DRC8: variants seen among roughly 807,000 people sequenced by gnomAD.
DRC8 encodes dynein regulatory complex protein 8.
the DRC8 span, among the ~76,000 whole-genome samples, chr1:245,117,875 A>T: frequency 6.6e-6 from 1 of 151,942 alleles, no homozygotes; most frequent in African/African-American, 2.4e-5. Flanking sequence ...AGGCTGAGGC[A>T]TGAGACTTGC....
At chr1:245,068,146 C>T in the DRC8 span, among the ~76,000 whole-genome samples, 9 of 152,126 alleles carry the variant, frequency 5.9e-5, no homozygotes, top group Non-Finnish European at 5.9e-5. Context: ...TGATCAGCAG[C>T]GGGAAAACGT....
the DRC8 span, chr1:245,121,929 C>T: frequency 3.9e-3 from 1,627 of 416,156 alleles, 25 homozygotes; most frequent in African/African-American, 0.033. Context: ...GATGGAGTTT[C>T]GCTCCGTCGC....
chr1:245,079,901 A>G, the DRC8 span, among the ~76,000 whole-genome samples: 1 of 152,218 alleles, frequency 6.6e-6, no homozygotes. Flanking sequence ...TCAGAGCCAT[A>G]TGAACATTCA....
At chr1:244,978,478 C>T in the DRC8 span, among the ~76,000 whole-genome samples, 7 of 131,452 alleles carry the variant, frequency 5.3e-5, no homozygotes, top group East Asian at 5.1e-4. Flanking sequence ...GCAACAAGAG[C>T]GGAACTCCGT....
the DRC8 span, among the ~76,000 whole-genome samples, chr1:245,064,959 A>AT: frequency 6.9e-6 from 1 of 144,350 alleles, no homozygotes; most frequent in Non-Finnish European, 1.5e-5. Context: ...AGTGACTTGT[A>AT]TTTTTTGGTT....
chr1:245,080,870 C>A, the DRC8 span, among the ~76,000 whole-genome samples: 1 of 152,172 alleles, frequency 6.6e-6, no homozygotes, highest in Non-Finnish European at 1.5e-5. Context: ...TGCCGTCGGG[C>A]CCCTGTCTCT....
At chr1:245,047,322 A>T in the DRC8 span, among the ~76,000 whole-genome samples, 6 of 152,174 alleles carry the variant, frequency 3.9e-5, no homozygotes, top group Non-Finnish European at 5.9e-5. Context: ...ACTAAAGTAA[A>T]CTAATGTTAC....
chr1:245,011,933 T>G, the DRC8 span, among the ~76,000 whole-genome samples: 1 of 152,198 alleles, frequency 6.6e-6, no homozygotes, highest in Non-Finnish European at 1.5e-5. Flanking sequence ...TGAGAAGCTC[T>G]GGCTGGGCGC....
chr1:244,975,209 C>T, the DRC8 span, among the ~76,000 whole-genome samples: 29 of 152,122 alleles, frequency 1.9e-4, no homozygotes, highest in South Asian at 4.1e-4. Context: ...GGATTACAGG[C>T]GTGAGCCACC....
the DRC8 span, among the ~76,000 whole-genome samples, chr1:245,096,007 G>A: frequency 1.3e-5 from 2 of 152,152 alleles, no homozygotes; most frequent in African/African-American, 4.8e-5. Context: ...GCATTCCATT[G>A]ATAAGTGGAG....
chr1:244,971,428 TAC>T, the DRC8 span, among the ~76,000 whole-genome samples: 1 of 152,238 alleles, frequency 6.6e-6, no homozygotes, highest in Non-Finnish European at 1.5e-5. Context: ...AAAAAGTGAT[TAC>T]GTTTATTTGC....
the DRC8 span, among the ~76,000 whole-genome samples, chr1:245,078,502 A>T: frequency 2.0e-5 from 3 of 152,092 alleles, no homozygotes; most frequent in Non-Finnish European, 2.9e-5. Flanking sequence ...ATTCAGCCTT[A>T]AAAAAGGAGG....
the DRC8 span, among the ~76,000 whole-genome samples, chr1:245,026,201 C>G: frequency 2.0e-5 from 3 of 152,170 alleles, no homozygotes; most frequent in African/African-American, 4.8e-5. Flanking sequence ...CTCTGAGGCT[C>G]TTGGTATCCA....
chr1:244,971,908 T>A, the DRC8 span, among the ~76,000 whole-genome samples: 1 of 137,584 alleles, frequency 7.3e-6, no homozygotes, highest in Non-Finnish European at 1.6e-5. Context: ...AAGAAAAGGA[T>A]AATTTTAAAA....
the DRC8 span, among the ~76,000 whole-genome samples, chr1:244,981,271 G>C: frequency 6.6e-6 from 1 of 151,782 alleles, no homozygotes; most frequent in East Asian, 1.9e-4. Flanking sequence ...ATCAGTAATT[G>C]AACAGAGAAA....
chr1:245,017,207 A>G, the DRC8 span: 3 of 1,576,858 alleles, frequency 1.9e-6, no homozygotes, highest in Non-Finnish European at 2.6e-6. Flanking sequence ...TCAAAGCTAA[A>G]GTAAACTAAT....
chr1:245,039,488 A>G, the DRC8 span, among the ~76,000 whole-genome samples: 9 of 147,666 alleles, frequency 6.1e-5, no homozygotes, highest in African/African-American at 2.0e-4. Flanking sequence ...AAAAAAAAAA[A>G]AGAGTTTGTG....
the DRC8 span, among the ~76,000 whole-genome samples, chr1:245,121,295 A>G: frequency 6.6e-6 from 1 of 152,348 alleles, no homozygotes; most frequent in Non-Finnish European, 1.5e-5. Context: ...CAGAAAGCTC[A>G]ACCCATAAAA....
At chr1:245,121,274 G>C in the DRC8 span, among the ~76,000 whole-genome samples, 1 of 152,308 alleles carries the variant, frequency 6.6e-6, no homozygotes, top group African/African-American at 2.4e-5. Flanking sequence ...GATCGTTGCT[G>C]TTCCAAGTAA....
Sources: gnomAD v4.1 joint callset for allele counts (sites outside exome capture counted in the v4.1 genomes callset) on GRCh38, gnomAD v4.1.1 for gene constraint, MANE v1.5 for transcripts, NCBI Gene and HGNC (gene_info 2026-07-23, HGNC 2026-07-21) for gene names.